Variants in SLC25A51 observed in about 807,000 individuals in gnomAD.
SLC25A51 encodes solute carrier family 25 member 51, also known as mitochondrial nicotinamide adenine dinucleotide transporter SLC25A51.
A neutral mutation model predicts 19.1 loss-of-function variants in SLC25A51; 11 were observed. That is an observed-to-expected ratio of 0.58 (90% CI 0.36 to 0.96). The LOEUF is 0.96. Among genes scored for constraint, SLC25A51 ranks in the 40% least tolerant of loss-of-function variants. The probability of loss-of-function intolerance (pLI) is 0.01; values close to 1 mark genes in which losing one functional copy is unlikely to be tolerated. For synonymous variants in SLC25A51, 105 were observed against 133.6 expected, an observed-to-expected ratio of 0.79 and a Z score of 1.47; for missense variants, 201 against 365.4, an observed-to-expected ratio of 0.55 and a Z score of 3.67.
At chr9:37,896,783 C>T (rs547212837) in intron 2 of SLC25A51, among the ~76,000 whole-genome samples, 10 of 152,196 alleles carry the variant, frequency 6.6e-5, no homozygotes, top group Middle Eastern at 6.8e-3. Flanking sequence ...GTGACAAGTG[C>T]GAAGCTCTGT....
intron 2 of SLC25A51, among the ~76,000 whole-genome samples, chr9:37,889,905 A>G (rs1420279709): frequency 6.6e-6 from 1 of 151,850 alleles, no homozygotes; most frequent in Non-Finnish European, 1.5e-5. Context: ...CCCACCTTCC[A>G]GTTCTGGTCT....
chr9:37,902,408 C>A (rs1345818788), intron 1 of SLC25A51, among the ~76,000 whole-genome samples: 1 of 152,086 alleles, frequency 6.6e-6, no homozygotes, highest in Admixed American at 6.5e-5. Context: ...AAAAAATAGG[C>A]CTAGATGGGG....
chr9:37,902,440 C>T (rs1564072900), intron 1 of SLC25A51, among the ~76,000 whole-genome samples: 1 of 152,174 alleles, frequency 6.6e-6, no homozygotes, highest in Non-Finnish European at 1.5e-5. Flanking sequence ...ATGAAACCCT[C>T]CTGGACTTTA....
rs1312944913 is a variant in SLC25A51, at chr9:37,888,602, A to G, written c.-42-10T>C. 1 of 1,542,586 alleles carries G rather than the reference A, an allele frequency of 6.5e-7. No homozygotes were observed. Among genetic ancestry groups the G allele is most frequent in the African/African-American group, 1.4e-5 (1 of 72,314 alleles). On this transcript the variant is annotated splice_polypyrimidine_tract_variant and intron_variant, in intron 2 of 2. Coordinates refer to ENST00000242275, the MANE Select transcript of SLC25A51 (RefSeq NM_033412.4). ...AAGGACTTTTTTTAACCTACAAATAATAAATGACAACGGGTAAACCCGTTT... is the reference window on the plus strand; with the variant it reads ...AAGGACTTTTTTTAACCTACAAATAGTAAATGACAACGGGTAAACCCGTTT...
intron 1 of SLC25A51, among the ~76,000 whole-genome samples, chr9:37,901,328 C>T (rs1246586191): frequency 1.3e-5 from 2 of 152,054 alleles, no homozygotes; most frequent in South Asian, 2.1e-4. Flanking sequence ...CCACAATACC[C>T]GGCTAATTTC....
At chr9:37,895,266 G>A (rs1257892778) in intron 2 of SLC25A51, among the ~76,000 whole-genome samples, 1 of 151,712 alleles carries the variant, frequency 6.6e-6, no homozygotes, top group Non-Finnish European at 1.5e-5. Flanking sequence ...CAGTGGCACA[G>A]TCATGGTTTA....
downstream of SLC25A51, among the ~76,000 whole-genome samples, chr9:37,883,314 C>T (rs1191181729): frequency 1.3e-5 from 2 of 152,148 alleles, no homozygotes; most frequent in Non-Finnish European, 2.9e-5. Flanking sequence ...ACAAAACCAT[C>T]CCTGGTAATG....
chr9:37,886,688 A>G (rs1433403228), downstream of SLC25A51, among the ~76,000 whole-genome samples: 2 of 152,162 alleles, frequency 1.3e-5, no homozygotes, highest in African/African-American at 4.8e-5. Context: ...CTATTCAGAC[A>G]TCTCCATGGT....
At chr9:37,889,229 C>A (rs1358892420) in intron 2 of SLC25A51, among the ~76,000 whole-genome samples, 1 of 152,112 alleles carries the variant, frequency 6.6e-6, no homozygotes, top group East Asian at 1.9e-4. Flanking sequence ...CACATTCCTC[C>A]CCTGAGAAAT....
intron 1 of SLC25A51, among the ~76,000 whole-genome samples, chr9:37,902,176 GAAC>G (rs922089914): frequency 1.3e-5 from 2 of 152,114 alleles, no homozygotes; most frequent in South Asian, 2.1e-4. Flanking sequence ...TTGTGTACTT[GAAC>G]AACAATAAAA....
rs1203328617 is a variant in SLC25A51 at position 37,888,401 on chromosome 9, G to A, written c.150C>T (p.Pro50=). 6.2e-7 allele frequency: 1 copy of A among 1,614,236 alleles called. No individual in the cohort carries two copies. ...GTTGTCGAAAGAGGACCTTCTGAAT[G>A]GGAAATGTGATTGCGACATTGTTGA... ...AAFNNVAITF[P]IQKVLFRQQL... is the part of the protein sequence containing the mutation. Residue 50 remains proline (P), a synonymous_variant, in exon 3 of 3, where the codon CCC becomes CCT. Transcript: ENST00000242275.
intron 2 of SLC25A51, among the ~76,000 whole-genome samples, chr9:37,897,082 AACTTT>A (rs1831732486): frequency 6.6e-6 from 1 of 152,190 alleles, no homozygotes. Flanking sequence ...ATTGAATCTT[AACTTT>A]ACAAGAACTT....
intron 1 of SLC25A51, among the ~76,000 whole-genome samples, chr9:37,900,419 A>G (rs1426077537): frequency 6.6e-6 from 1 of 151,546 alleles, no homozygotes; most frequent in Non-Finnish European, 1.5e-5. Flanking sequence ...ACTGCACTCC[A>G]GCCTGGGCGA....
chr9:37,881,362 G>C (rs1456062351), intron 3 of SLC25A51, among the ~76,000 whole-genome samples: 1 of 152,138 alleles, frequency 6.6e-6, no homozygotes, highest in Non-Finnish European at 1.5e-5. Flanking sequence ...AGACCTTTAA[G>C]AAATAAAATG....
chr9:37,886,037 C>T, downstream of SLC25A51: 1 of 1,613,208 alleles, frequency 6.2e-7, no homozygotes. Context: ...CTATGCTGAC[C>T]TCTCCCTTAA....
chr9:37,882,225 C>T (rs939402280), intron 2 of SLC25A51, among the ~76,000 whole-genome samples: 19 of 152,148 alleles, frequency 1.2e-4, no homozygotes, highest in Admixed American at 1.2e-3. Flanking sequence ...TAAAAGAGAC[C>T]AAGTCTGAGT....
intron 2 of SLC25A51, among the ~76,000 whole-genome samples, chr9:37,893,318 C>T (rs1462266733): frequency 2.0e-5 from 3 of 152,204 alleles, no homozygotes; most frequent in African/African-American, 4.8e-5. Flanking sequence ...TATGGCCTAA[C>T]GCCTCTTTGG....
chr9:37,881,203 A>T (rs1233180161), intron 3 of SLC25A51, among the ~76,000 whole-genome samples: 3 of 145,674 alleles, frequency 2.1e-5, no homozygotes, highest in South Asian at 2.1e-4. Flanking sequence ...AGTAGATATA[A>T]AAAAAAAAAA....
chr9:37,889,313 C>A (rs1383015326), intron 2 of SLC25A51, among the ~76,000 whole-genome samples: 1 of 152,152 alleles, frequency 6.6e-6, no homozygotes, highest in East Asian at 1.9e-4. Flanking sequence ...AGGTCCTCTG[C>A]TAAGTTGCTA....
Sources: allele counts gnomAD v4.1 joint callset (sites outside exome capture counted in the v4.1 genomes callset), GRCh38; gene constraint gnomAD v4.1.1; transcripts MANE v1.5; gene names NCBI Gene and HGNC (gene_info 2026-07-23, HGNC 2026-07-21).